Variants in TNFSF13B observed in about 807,000 individuals in gnomAD.
The protein encoded by TNFSF13B is TNF superfamily member 13b, also known as tumor necrosis factor ligand superfamily member 13B.
In TNFSF13B, 8 loss-of-function variants were observed where a neutral mutation model predicts 29.1. The ratio of observed to expected loss-of-function variants is 0.27; its 90% confidence interval spans 0.16 to 0.50. The LOEUF (loss-of-function observed/expected upper bound fraction) is 0.50. TNFSF13B is among the 20% of genes least tolerant of loss of function. TNFSF13B has a pLI of 0.98. For synonymous variants in TNFSF13B, 125 were observed against 130.8 expected, an observed-to-expected ratio of 0.96 and a Z score of 0.30; for missense variants, 248 against 334.9, an observed-to-expected ratio of 0.74 and a Z score of 2.03.
Position 108,303,570 on chromosome 13 carries a change from T to C in TNFSF13B, c.711T>C (p.Pro237=). Residue 237 remains proline (P), a synonymous_variant, in exon 5 of 6, where the codon CCT becomes CCC. Transcript: ENST00000375887. ...TGTTTCGATGTATTCAAAATATGCCTGAAACACTACCCAATAATTCCTGCT... is the reference window on the plus strand; with the variant it reads ...TGTTTCGATGTATTCAAAATATGCCCGAAACACTACCCAATAATTCCTGCT... ...VTLFRCIQNM[P]ETLPNNSCYS... is the part of the protein sequence containing the mutation. 6.2e-7 allele frequency: 1 copy of C among 1,613,590 alleles called. No individual in the cohort carries two copies. Among genetic ancestry groups the C allele is most frequent in the Non-Finnish European group, 8.5e-7 (1 of 1,179,728 alleles).
chr13:108,280,288 G>A (rs892911829), intron 2 of TNFSF13B, among the ~76,000 whole-genome samples: 1 of 152,122 alleles, frequency 6.6e-6, no homozygotes, highest in African/African-American at 2.4e-5. Context: ...TCAGAGGATA[G>A]TTATATATCC....
At chr13:108,285,156 T>G (rs1881087681) in intron 2 of TNFSF13B, among the ~76,000 whole-genome samples, 1 of 152,162 alleles carries the variant, frequency 6.6e-6, no homozygotes, top group Admixed American at 6.5e-5. Flanking sequence ...TTAGAAAAGC[T>G]TTATAGTTAT....
intron 2 of TNFSF13B, among the ~76,000 whole-genome samples, chr13:108,285,556 T>G (rs1881103657): frequency 6.6e-6 from 1 of 152,344 alleles, no homozygotes; most frequent in South Asian, 2.1e-4. Flanking sequence ...AGTATTTGTG[T>G]ATCTAAACAT....
chr13:108,284,862 T>A (rs566023035), intron 2 of TNFSF13B, among the ~76,000 whole-genome samples: 1 of 152,228 alleles, frequency 6.6e-6, no homozygotes, highest in Non-Finnish European at 1.5e-5. Context: ...TGAATGTGGC[T>A]ACTACTGTAC....
chr13:108,273,756 T>C (rs1458299387), intron 2 of TNFSF13B, among the ~76,000 whole-genome samples: 3 of 152,180 alleles, frequency 2.0e-5, no homozygotes, highest in African/African-American at 7.2e-5. Flanking sequence ...ATCATAAACC[T>C]TGAATAACAC....
At chr13:108,305,471 T>C (rs1337443427) in intron 5 of TNFSF13B, among the ~76,000 whole-genome samples, 2 of 152,184 alleles carry the variant, frequency 1.3e-5, no homozygotes, top group African/African-American at 2.4e-5. Flanking sequence ...GACTCTATAG[T>C]TGTTCACACC....
rs949340978 is a variant in TNFSF13B at position 108,307,998 on chromosome 13, C to T, written c.*1060C>T. On this transcript the variant is annotated 3_prime_UTR_variant, in exon 6 of 6. Transcript: ENST00000375887. ...GTTGATATCTCAGAAGACAGCATCC[C>T]GGTTTTCATTTTATAAAGTACCATA... is the stretch of plus-strand genomic sequence containing the variant. 1.2e-4 allele frequency: 18 copies of T among 152,010 alleles called. No individual in the cohort carries two copies. Among genetic ancestry groups the T allele is most frequent in the African/African-American group, 2.4e-4 (10 of 41,418 alleles). 9.4% of individuals were successfully genotyped at this position (152,010 alleles called of 1,614,324 possible). A position where few individuals can be genotyped will look rare whatever the true frequency, so the allele number is the denominator to read the frequency against.
chr13:108,306,883 C>T lies in TNFSF13B; in HGVS notation c.803C>T (p.Ala268Val). 6.2e-7 allele frequency: 1 copy of T among 1,611,088 alleles called. No individual in the cohort carries two copies. The highest frequency in any genetic ancestry group is 8.5e-7 in the Non-Finnish European group (1 of 1,178,484). The change falls in exon 6 of 6, where the codon GCA becomes GTA. Residue 268 changes from alanine (A) to valine (V), a missense_variant. Around this residue, in one of 2 missense-constraint regions of TNFSF13B, gnomAD observed 62 missense variants for 138.6 expected, o/e 0.45. Coordinates refer to ENST00000375887, the MANE Select transcript of TNFSF13B (RefSeq NM_006573.5). ...CAACTTGCAATACCAAGAGAAAATG[C>T]ACAAATATCACTGGATGGAGATGTC... The part of the protein sequence containing the change: ...ELQLAIPREN[A>V]QISLDGDVTF...
At chr13:108,270,557 C>T in intron 2 of TNFSF13B, 133 bp downstream of exon 2, 1 of 881,984 alleles carries the variant, frequency 1.1e-6, no homozygotes, top group Non-Finnish European at 1.7e-6. Flanking sequence ...CCAAAGCAGA[C>T]ATTGCTTTAG....
intron 3 of TNFSF13B, chr13:108,302,821 T>G: frequency 1.0e-6 from 1 of 986,336 alleles, no homozygotes; most frequent in Non-Finnish European, 1.2e-6. Flanking sequence ...GAGAGATTTC[T>G]TCGTCTGGAA....
intron 3 of TNFSF13B, 136 bp from the exon 4 acceptor site, chr13:108,303,116 CT>C: frequency 1.4e-6 from 1 of 704,572 alleles, no homozygotes; most frequent in South Asian, 2.2e-5. Flanking sequence ...TTCCTTTTTC[CT>C]TTTTTTTCTT....
intron 3 of TNFSF13B, among the ~76,000 whole-genome samples, chr13:108,295,811 T>C (rs1881446263): frequency 6.8e-6 from 1 of 146,102 alleles, no homozygotes; most frequent in Non-Finnish European, 1.5e-5. Context: ...TAAGAATTTG[T>C]TCAATTTTCA....
chr13:108,292,483 A>G (rs930372673), intron 3 of TNFSF13B, among the ~76,000 whole-genome samples: 2 of 152,108 alleles, frequency 1.3e-5, no homozygotes, highest in African/African-American at 2.4e-5. Context: ...TGAATCGATG[A>G]GTAGAATTGC....
intron 3 of TNFSF13B, among the ~76,000 whole-genome samples, chr13:108,293,803 T>G (rs1036241657): frequency 6.6e-6 from 1 of 152,212 alleles, no homozygotes; most frequent in Non-Finnish European, 1.5e-5. Flanking sequence ...CCAACAGATT[T>G]GGTTTGTGAA....
intron 3 of TNFSF13B, among the ~76,000 whole-genome samples, chr13:108,297,000 T>A (rs1367776454): frequency 6.9e-6 from 1 of 145,814 alleles, no homozygotes; most frequent in African/African-American, 2.6e-5. Context: ...AAAAATACAC[T>A]TACAATGGCT....
chr13:108,291,520 T>G (rs1041954477), intron 3 of TNFSF13B, among the ~76,000 whole-genome samples: 11 of 151,940 alleles, frequency 7.2e-5, no homozygotes, highest in African/African-American at 2.7e-4. Flanking sequence ...TTTCATTATA[T>G]TTTCCAGCTG....
At chr13:108,298,454 A>G (rs1235290780) in intron 3 of TNFSF13B, among the ~76,000 whole-genome samples, 1 of 145,736 alleles carries the variant, frequency 6.9e-6, no homozygotes, top group African/African-American at 2.6e-5. Flanking sequence ...GAAGAAAGTC[A>G]TAAATTTACA....
At chr13:108,300,877 C>G (rs1881603174) in intron 3 of TNFSF13B, among the ~76,000 whole-genome samples, 1 of 152,134 alleles carries the variant, frequency 6.6e-6, no homozygotes, top group East Asian at 1.9e-4. Context: ...TTTCTTGATC[C>G]ACCCATAGAT....
chr13:108,270,030 A>G lies in TNFSF13B; in HGVS notation c.135A>G (p.Gly45=). ...CCTCTGTCCGATCCTCCAAAGACGG[A>G]AAGCTGCTGGCTGCAACCTTGCTGC... ...ESPSVRSSKD[G]KLLAATLLLA... The change falls in exon 1 of 6, where the codon GGA becomes GGG. Residue 45 remains glycine, a synonymous_variant. Coordinates refer to ENST00000375887, the MANE Select transcript of TNFSF13B (RefSeq NM_006573.5). The G allele has an allele frequency of 6.2e-7, 1 of 1,612,356 alleles. No individual in the cohort carries two copies. The highest frequency in any genetic ancestry group is 8.5e-7 in the Non-Finnish European group (1 of 1,180,014).
Sources: gnomAD v4.1 joint callset for allele counts (sites outside exome capture counted in the v4.1 genomes callset) on GRCh38, gnomAD v4.1.1 for gene constraint, gnomAD v4.1.1 regional missense constraint, MANE v1.5 for transcripts, NCBI Gene and HGNC (gene_info 2026-07-23, HGNC 2026-07-21) for gene names.